The following EDAR variants were observed in gnomAD, a reference collection of about 807,000 sequenced individuals.
EDAR encodes ectodysplasin A receptor.
In EDAR, 38 loss-of-function variants were observed where a neutral mutation model predicts 51.3. The observed-to-expected ratio is 0.74, with a 90% CI of 0.57 to 0.97. The LOEUF is 0.97. Among genes scored for constraint, EDAR ranks in the 50% least tolerant of loss-of-function variants. The pLI, the probability that EDAR is intolerant of heterozygous loss-of-function variation, is 0.00. For missense variants in EDAR, 528 were observed against 595.0 expected, an observed-to-expected ratio of 0.89 and a Z score of 1.17; for synonymous variants, 227 against 242.1, an observed-to-expected ratio of 0.94 and a Z score of 0.58.
At position 108,969,718 on chromosome 2, in the gene EDAR, A is replaced by G. The variant is rs534276564; in HGVS notation, c.-19+19242T>C. 7.9e-5 allele frequency among the ~76,000 whole-genome samples: 12 copies of G among 152,366 alleles called. No individual in the cohort carries two copies. The East Asian group carries it at 1.9e-3, about 24-fold the overall frequency. On this transcript the variant is annotated intron_variant, in intron 1 of 11. Coordinates refer to ENST00000258443, the MANE Select transcript of EDAR (RefSeq NM_022336.4). Reference sequence around the variant, plus strand: ...CCATCTCAGTGCTGAAAGAAATATAAAAGAAGTGAAAGGAGTGTGAGCTGC... The same window carrying G: ...CCATCTCAGTGCTGAAAGAAATATAGAAGAAGTGAAAGGAGTGTGAGCTGC...
chr2:108,934,289 C>T (rs1051383332), intron 1 of EDAR, among the ~76,000 whole-genome samples: 11 of 152,150 alleles, frequency 7.2e-5, no homozygotes, highest in Admixed American at 2.6e-4. Context: ...TCCCACTTCT[C>T]AGACTGCAGA....
At chr2:108,971,533 T>A (rs1334201339) in intron 1 of EDAR, among the ~76,000 whole-genome samples, 1 of 151,756 alleles carries the variant, frequency 6.6e-6, no homozygotes, top group African/African-American at 2.4e-5. Flanking sequence ...CCAGGCATTC[T>A]AGCAGAGAGC....
At chr2:108,918,599 G>A (rs898200163) in intron 5 of EDAR, among the ~76,000 whole-genome samples, 10 of 152,294 alleles carry the variant, frequency 6.6e-5, no homozygotes, top group South Asian at 2.1e-4. Context: ...GCGGGGACTG[G>A]TTCTGCCTAC....
At chr2:108,965,061 TA>T (rs1157526291) in intron 1 of EDAR, among the ~76,000 whole-genome samples, 3 of 152,186 alleles carry the variant, frequency 2.0e-5, no homozygotes, top group Non-Finnish European at 4.4e-5. Context: ...AAACATTTTT[TA>T]ACTATGCCAC....
At chr2:108,940,942 T>C (rs1405369465) in intron 1 of EDAR, among the ~76,000 whole-genome samples, 4 of 152,200 alleles carry the variant, frequency 2.6e-5, no homozygotes, top group African/African-American at 9.7e-5. Flanking sequence ...GAGACTTTGA[T>C]AACGTATATA....
At chr2:108,916,754 A>C (rs1176727863) in intron 5 of EDAR, among the ~76,000 whole-genome samples, 2 of 152,190 alleles carry the variant, frequency 1.3e-5, no homozygotes, top group Non-Finnish European at 2.9e-5. Flanking sequence ...ACATTTCTCC[A>C]GAGCTCAGCC....
rs1398672274 is a variant in EDAR, at chr2:108,896,665, A to G, written c.*242T>C. 8 of 539,644 alleles carry G rather than the reference A, an allele frequency of 1.5e-5. No homozygotes were observed. Among genetic ancestry groups the G allele is most frequent in the Non-Finnish European group, 2.3e-5 (7 of 301,370 alleles). The allele number at this position is 539,644 out of a possible 1,614,324, so 33.4% of individuals were successfully genotyped here. The stretch of plus-strand genomic sequence containing the variant: ...TGGTGGGCTGGCTGTATGAGTGAGT[A>G]GATATTTACTCTGCCTGGTGAGGTA... On this transcript the variant is annotated 3_prime_UTR_variant, in exon 12 of 12. Transcript: ENST00000258443.
chr2:108,913,196 G>A (rs537144390), intron 5 of EDAR, among the ~76,000 whole-genome samples: 18 of 152,058 alleles, frequency 1.2e-4, no homozygotes, highest in South Asian at 4.2e-4. Flanking sequence ...TGATCTGCCC[G>A]CCTCGGCCTC....
At chr2:108,955,969 C>T (rs1053446817) in intron 1 of EDAR, among the ~76,000 whole-genome samples, 4 of 152,132 alleles carry the variant, frequency 2.6e-5, no homozygotes, top group African/African-American at 9.7e-5. Flanking sequence ...GTGGAGCTTG[C>T]AGTGAGCCGA....
At chr2:108,943,494 T>C (rs778962241) in intron 1 of EDAR, among the ~76,000 whole-genome samples, 2 of 152,232 alleles carry the variant, frequency 1.3e-5, no homozygotes, top group Non-Finnish European at 2.9e-5. Flanking sequence ...CTGATGTTAC[T>C]ACCGAAGCCC....
chr2:108,944,025 T>C (rs1697664563), intron 1 of EDAR, among the ~76,000 whole-genome samples: 1 of 152,238 alleles, frequency 6.6e-6, no homozygotes, highest in African/African-American at 2.4e-5. Flanking sequence ...ATGTAGATTG[T>C]GGTTTCTCAG....
intron 1 of EDAR, among the ~76,000 whole-genome samples, chr2:108,985,721 C>T (rs929282151): frequency 6.6e-6 from 1 of 152,130 alleles, no homozygotes; most frequent in Non-Finnish European, 1.5e-5. Context: ...GGTGTCTCTG[C>T]CCCCAGAGAG....
intron 1 of EDAR, among the ~76,000 whole-genome samples, chr2:108,966,505 T>C (rs887845866): frequency 6.6e-6 from 1 of 152,236 alleles, no homozygotes; most frequent in Admixed American, 6.5e-5. Context: ...TCAGAGCCTG[T>C]GGTCTCAGCC....
chr2:108,958,101 C>G (rs575320797), intron 1 of EDAR, among the ~76,000 whole-genome samples: 1 of 152,186 alleles, frequency 6.6e-6, no homozygotes, highest in South Asian at 2.1e-4. Flanking sequence ...TCAGACTAAA[C>G]GAACGCACAC....
intron 5 of EDAR, among the ~76,000 whole-genome samples, chr2:108,922,039 G>T (rs1294603322): frequency 6.6e-6 from 1 of 152,234 alleles, no homozygotes; most frequent in Non-Finnish European, 1.5e-5. Context: ...TTCCACATGT[G>T]ATAGACCTCA....
At chr2:108,912,393 G>A (rs542316100) in intron 6 of EDAR, among the ~76,000 whole-genome samples, 1 of 152,168 alleles carries the variant, frequency 6.6e-6, no homozygotes, top group Non-Finnish European at 1.5e-5. Flanking sequence ...CTCTCCTCCT[G>A]GCCGGGCTTG....
intron 1 of EDAR, among the ~76,000 whole-genome samples, chr2:108,969,073 ACAGT>A (rs1456828804): frequency 6.6e-6 from 1 of 152,174 alleles, no homozygotes; most frequent in African/African-American, 2.4e-5. Flanking sequence ...TCCCTGATGC[ACAGT>A]CAGTTTACGT....
chr2:108,940,855 G>A (rs987243289), intron 1 of EDAR, among the ~76,000 whole-genome samples: 2 of 152,176 alleles, frequency 1.3e-5, no homozygotes, highest in Non-Finnish European at 2.9e-5. Flanking sequence ...TTGCTCAGAT[G>A]ATAGTTTTAA....
At chr2:108,987,122 C>A (rs452059) in intron 1 of EDAR, among the ~76,000 whole-genome samples, 28,911 of 152,044 alleles carry the variant, frequency 0.19, 2,922 homozygotes, top group Middle Eastern at 0.26. Flanking sequence ...TGCCAAACAC[C>A]ATCCTGTTTA....
Sources: gnomAD v4.1 joint callset for allele counts (sites outside exome capture counted in the v4.1 genomes callset) on GRCh38, gnomAD v4.1.1 for gene constraint, MANE v1.5 for transcripts, NCBI Gene and HGNC (gene_info 2026-07-23, HGNC 2026-07-21) for gene names.